ZNF250: variants seen among roughly 807,000 people sequenced by gnomAD.
ZNF250 encodes the protein zinc finger protein (clone 647).
In ZNF250, 13 loss-of-function variants were observed where a neutral mutation model predicts 37.1. That is an observed-to-expected ratio of 0.35 (90% CI 0.23 to 0.56). The LOEUF (loss-of-function observed/expected upper bound fraction) is 0.56, where lower values mean the gene tolerates loss of function less well. Ranked by LOEUF, ZNF250 falls within the 20% of genes least tolerant of loss-of-function variation. The pLI, the probability that ZNF250 is intolerant of heterozygous loss-of-function variation, is 0.87. For missense variants in ZNF250, 474 were observed against 697.9 expected, an observed-to-expected ratio of 0.68 and a Z score of 3.61; for synonymous variants, 251 against 265.6, an observed-to-expected ratio of 0.94 and a Z score of 0.54.
intron 5 of ZNF250, among the ~76,000 whole-genome samples, chr8:144,885,129 A>G (rs1473137856): frequency 6.6e-6 from 1 of 152,112 alleles, no homozygotes; most frequent in Admixed American, 6.6e-5. Context: ...GTTTAATACA[A>G]TTTTTTTGAG....
chr8:144,890,170 TG>T lies in ZNF250; in HGVS notation c.43-112del. 2 of 1,532,512 alleles carry T rather than the reference TG, an allele frequency of 1.3e-6. No individual in the cohort carries two copies. Among genetic ancestry groups the T allele is most frequent in the Non-Finnish European group, 1.8e-6 (2 of 1,127,446 alleles). 94.9% of individuals were successfully genotyped at this position (1,532,512 alleles called of 1,614,324 possible). On this transcript the variant is annotated intron_variant, in intron 2 of 5. Coordinates refer to ENST00000417550, the MANE Select transcript of ZNF250 (RefSeq NM_001109689.4). The surrounding 1 kb of genome is among the most constrained non-coding windows in gnomAD (Gnocchi z 5.1). The stretch of plus-strand genomic sequence containing the variant: ...GTTGGCAGTGGGGGGCTCTGTGAGC[TG>T]AGGTGGGTGATGGGAAGGGGCCGCG...
intron 5 of ZNF250, among the ~76,000 whole-genome samples, chr8:144,884,345 G>A (rs775787139): frequency 2.6e-5 from 4 of 152,140 alleles, no homozygotes; most frequent in Non-Finnish European, 5.9e-5. Context: ...TCTGCCTCCC[G>A]GGTTGAAGTG....
intron 4 of ZNF250, 29 bp downstream of exon 4, chr8:144,889,552 T>G: frequency 1.3e-6 from 2 of 1,585,034 alleles, no homozygotes; most frequent in Non-Finnish European, 1.7e-6. Context: ...TAGCCCTCAG[T>G]GAGGGAGGGG....
intron 1 of ZNF250, among the ~76,000 whole-genome samples, chr8:144,894,528 A>G (rs1586919692): frequency 1.3e-5 from 2 of 148,562 alleles, no homozygotes; most frequent in South Asian, 2.1e-4. Context: ...CTCTCATCCT[A>G]TCCCTTTCTC....
At chr8:144,887,490 A>G (rs1017806139) in intron 4 of ZNF250, among the ~76,000 whole-genome samples, 17 of 152,200 alleles carry the variant, frequency 1.1e-4, no homozygotes, top group Admixed American at 9.2e-4. Flanking sequence ...TCAGTAATCT[A>G]AAACTCAGTC....
In ZNF250 at chr8:144,901,033, G is replaced by A. The variant is rs1833067301; in HGVS notation, c.-55+366C>T. 6.6e-6 allele frequency among the ~76,000 whole-genome samples: 1 copy of A among 152,138 alleles called. No individual in the cohort carries two copies. The highest frequency in any genetic ancestry group is 6.5e-5 in the Admixed American group (1 of 15,284). On this transcript the variant is annotated intron_variant, in intron 1 of 5. Transcript: ENST00000417550. The surrounding 1 kb of genome is among the most constrained non-coding windows in gnomAD (Gnocchi z 5.4). ...CGGTAGAAAGCGCGCGGGAGGGCAC[G>A]AGGGGGAGGAAGGCCGGAGATCTGA...
Position 144,882,882 on chromosome 8 carries a change from T to A in ZNF250, c.347-46A>T. 1 of 1,559,118 alleles carries A rather than the reference T, an allele frequency of 6.4e-7. No individual in the cohort carries two copies. The highest frequency in any genetic ancestry group is 8.7e-7 in the Non-Finnish European group (1 of 1,154,454). On this transcript the variant is annotated intron_variant, in intron 5 of 5. Coordinates refer to ENST00000417550, the MANE Select transcript of ZNF250 (RefSeq NM_001109689.4). The surrounding 1 kb of genome is among the most constrained non-coding windows in gnomAD (Gnocchi z 5.5). ...TGAAAATGTTAACACTACTCAAAAC[T>A]GAAGAGCTAGTGCAACCCTGAAACT... is the stretch of plus-strand genomic sequence containing the variant.
rs1038761125 is a variant in ZNF250 at position 144,897,638 on chromosome 8, T to C, written c.-55+3761A>G. On this transcript the variant is annotated intron_variant, in intron 1 of 5. Transcript: ENST00000417550. The surrounding 1 kb of genome is among the most constrained non-coding windows in gnomAD (Gnocchi z 5.2). ...AATTAAAGACACACACACAGAAATA[T>C]AGAGGTGTGAAGTGGGAAATCAGGG... 9.2e-5 allele frequency among the ~76,000 whole-genome samples: 14 copies of C among 151,844 alleles called. No homozygotes were observed. Among genetic ancestry groups the C allele is most frequent in the Admixed American group, 2.6e-4 (4 of 15,246 alleles).
chr8:144,889,897 G>A (rs146014072), intron 3 of ZNF250, 36 bp downstream of exon 3: 37 of 1,567,702 alleles, frequency 2.4e-5, no homozygotes, highest in South Asian at 1.7e-4. Context: ...AGTCCAATAC[G>A]CAGATACATA....
rs957359367 is a variant in ZNF250, at chr8:144,891,172, C to A, written c.-54-769G>T. On this transcript the variant is annotated intron_variant, in intron 1 of 5. Transcript: ENST00000417550. This position sits in a 1 kb window ranked among gnomAD's most constrained non-coding sequence, Gnocchi z 4.0. ...CAAGAGCTTTCCTGACACATTTGGT[C>A]CTGTACAGGATAGGGTTCGCAGTCT... Among the ~76,000 whole-genome samples, 2 of 152,068 alleles carry A rather than the reference C, an allele frequency of 1.3e-5. No individual in the cohort carries two copies. The highest frequency in any genetic ancestry group is 4.1e-4 in the South Asian group (2 of 4,822).
chr8:144,898,257 A>C (rs1245260527), intron 1 of ZNF250, among the ~76,000 whole-genome samples: 1 of 152,172 alleles, frequency 6.6e-6, no homozygotes, highest in African/African-American at 2.4e-5. Flanking sequence ...AGATCGCGCC[A>C]TTGCACTCCA....
rs1351131227 is a variant in ZNF250 at position 144,882,377 on chromosome 8, T to C, written c.806A>G (p.His269Arg). The C allele has an allele frequency of 2.5e-6, 4 of 1,613,922 alleles. No individual in the cohort carries two copies. The Admixed American group carries it at 6.7e-5, about 27-fold the overall frequency. The change falls in exon 6 of 6, where the codon CAC becomes CGC. Residue 269 changes from histidine to arginine, a missense_variant. This residue lies in a region of ZNF250 where 282 missense variants were observed against 470.4 expected (regional missense o/e 0.60). Coordinates refer to ENST00000417550, the MANE Select transcript of ZNF250 (RefSeq NM_001109689.4). The surrounding 1 kb of genome is among the most constrained non-coding windows in gnomAD (Gnocchi z 5.5). ...FRVSSDLAQHHKIHTGEKPHE... is the reference protein window; with the variant it reads ...FRVSSDLAQHRKIHTGEKPHE... Reference sequence around the variant, plus strand: ...AGGCTTCTCTCCTGTATGTATCTTGTGATGCTGAGCAAGATCTGAGCTCAC... The same window carrying C: ...AGGCTTCTCTCCTGTATGTATCTTGCGATGCTGAGCAAGATCTGAGCTCAC...
At position 144,890,001 on chromosome 8, in the gene ZNF250, A is replaced by T; in HGVS notation, c.101T>A (p.Leu34Gln). Residue 34 changes from leucine (L) to glutamine (Q), a missense_variant, in exon 3 of 6, where the codon CTG (leucine) becomes CAG (glutamine). Leu to Gln is a moderately radical substitution (Grantham distance 113). Around this residue, in one of 2 missense-constraint regions of ZNF250, gnomAD observed 192 missense variants for 227.5 expected, o/e 0.84. Transcript: ENST00000417550. The surrounding 1 kb of genome is among the most constrained non-coding windows in gnomAD (Gnocchi z 5.1). Reference sequence around the variant, plus strand: ...GTAGAGACCCCTCTGAGCAGGGCACAGGCGGTCCCATTCATCCTGGGAGAG... The same window carrying T: ...GTAGAGACCCCTCTGAGCAGGGCACTGGCGGTCCCATTCATCCTGGGAGAG... ...VLLSQDEWDR[L>Q]CPAQRGLYRN... The T allele has an allele frequency of 6.2e-7, 1 of 1,613,482 alleles. No homozygotes were observed. Among genetic ancestry groups the T allele is most frequent in the Non-Finnish European group, 8.5e-7 (1 of 1,179,670 alleles).
intron 5 of ZNF250, among the ~76,000 whole-genome samples, chr8:144,884,340 C>A (rs1185194543): frequency 6.6e-6 from 1 of 152,224 alleles, no homozygotes; most frequent in Non-Finnish European, 1.5e-5. Flanking sequence ...CAACCTCTGC[C>A]TCCCGGGTTG....
chr8:144,898,252 G>T (rs902920034), intron 1 of ZNF250, among the ~76,000 whole-genome samples: 1 of 151,920 alleles, frequency 6.6e-6, no homozygotes, highest in African/African-American at 2.4e-5. Context: ...AGCCAAGATC[G>T]CGCCATTGCA....
chr8:144,886,835 C>T lies in ZNF250; in HGVS notation c.346+5G>A. ...CTGAATTAAAAAGATCAGGCATACA[C>T]TTACCCCATGGACAAGATAAACTGT... On this transcript the variant is annotated splice_donor_5th_base_variant and intron_variant, in intron 5 of 5. Transcript: ENST00000417550. 1 of 1,612,916 alleles carries T rather than the reference C, an allele frequency of 6.2e-7. No homozygotes were observed. Among genetic ancestry groups the T allele is most frequent in the Non-Finnish European group, 8.5e-7 (1 of 1,179,054 alleles).
In ZNF250 at chr8:144,890,311, G is replaced by A. The variant is rs572598711; in HGVS notation, c.39C>T (p.Pro13=). The A allele has an allele frequency of 1.3e-6, 2 of 1,519,326 alleles. No individual in the cohort carries two copies. Among genetic ancestry groups the A allele is most frequent in the Non-Finnish European group, 1.8e-6 (2 of 1,130,712 alleles). 94.1% of individuals were successfully genotyped at this position (1,519,326 alleles called of 1,614,324 possible). A position where few individuals can be genotyped will look rare whatever the true frequency, so the allele number is the denominator to read the frequency against. The change falls in exon 2 of 6, where the codon CCC becomes CCT. Residue 13 remains proline (P), a synonymous_variant. Coordinates refer to ENST00000417550, the MANE Select transcript of ZNF250 (RefSeq NM_001109689.4). This position sits in a 1 kb window ranked among gnomAD's most constrained non-coding sequence, Gnocchi z 5.1. Reference sequence around the variant, plus strand: ...ATAAGCACTGGGGACAGCTTACCTGGGGTCCTGCCGGCACTGGCAGGAGTC... The same window carrying A: ...ATAAGCACTGGGGACAGCTTACCTGAGGTCCTGCCGGCACTGGCAGGAGTC... ...AARLLPVPAG[P]QAKLTFEDVA...
Position 144,882,379 on chromosome 8 carries a change from A to G in ZNF250, c.804T>C (p.His268=), listed in dbSNP as rs758676617. 27 of 1,613,752 alleles carry G rather than the reference A, an allele frequency of 1.7e-5. No individual in the cohort carries two copies. The Admixed American group carries it at 4.3e-4, about 26-fold the overall frequency. Reference sequence around the variant, plus strand: ...GCTTCTCTCCTGTATGTATCTTGTGATGCTGAGCAAGATCTGAGCTCACTC... The same window carrying G: ...GCTTCTCTCCTGTATGTATCTTGTGGTGCTGAGCAAGATCTGAGCTCACTC... ...AFRVSSDLAQ[H]HKIHTGEKPH... Residue 268 remains histidine, a synonymous_variant, in exon 6 of 6, where the codon CAT becomes CAC. Coordinates refer to ENST00000417550, the MANE Select transcript of ZNF250 (RefSeq NM_001109689.4). This position sits in a 1 kb window ranked among gnomAD's most constrained non-coding sequence, Gnocchi z 5.5.
intron 5 of ZNF250, among the ~76,000 whole-genome samples, chr8:144,884,418 A>AT (rs943209679): frequency 6.6e-6 from 1 of 152,062 alleles, no homozygotes; most frequent in Non-Finnish European, 1.5e-5. Context: ...TGGCTGGCTA[A>AT]TTTTTTTGTA....
Sources: gnomAD v4.1 joint callset for allele counts (sites outside exome capture counted in the v4.1 genomes callset) on GRCh38, gnomAD v4.1.1 for gene constraint, gnomAD v4.1.1 regional missense constraint, Gnocchi (gnomAD v3.1) non-coding constraint, MANE v1.5 for transcripts, NCBI Gene and HGNC (gene_info 2026-07-23, HGNC 2026-07-21) for gene names.